SLC41A2: variants seen among roughly 807,000 people sequenced by gnomAD.
The protein encoded by SLC41A2 is solute carrier family 41 member 2.
Under a neutral mutation model 58.3 loss-of-function variants are expected in SLC41A2, and 32 were observed. The ratio of observed to expected loss-of-function variants is 0.55; its 90% CI spans 0.41 to 0.74. The LOEUF (loss-of-function observed/expected upper bound fraction) is 0.74, where lower values mean the gene tolerates loss of function less well. Ranked by LOEUF, SLC41A2 falls within the 30% of genes least tolerant of loss-of-function variation. The pLI is 0.00. For synonymous variants in SLC41A2, 190 were observed against 235.0 expected, an observed-to-expected ratio of 0.81 and a Z score of 1.75; for missense variants, 514 against 680.6, an observed-to-expected ratio of 0.76 and a Z score of 2.72.
intron 10 of SLC41A2, among the ~76,000 whole-genome samples, chr12:104,818,801 CA>C (rs1229617223): frequency 1.3e-5 from 2 of 152,216 alleles, no homozygotes; most frequent in East Asian, 3.9e-4. Flanking sequence ...TGTTTGAACC[CA>C]GGGGGCAGAG....
At chr12:104,919,261 G>A (rs1020886575) in intron 2 of SLC41A2, among the ~76,000 whole-genome samples, 8 of 152,132 alleles carry the variant, frequency 5.3e-5, no homozygotes, top group South Asian at 2.1e-4. Context: ...AGGACACTTC[G>A]GTTGTATCCA....
chr12:104,858,657 G>T (rs756336936), intron 8 of SLC41A2, among the ~76,000 whole-genome samples: 1 of 152,114 alleles, frequency 6.6e-6, no homozygotes, highest in Non-Finnish European at 1.5e-5. Context: ...TAAGCTCATA[G>T]TGTACCACCA....
At chr12:104,812,169 C>T (rs1386445366) in intron 10 of SLC41A2, among the ~76,000 whole-genome samples, 1 of 152,152 alleles carries the variant, frequency 6.6e-6, no homozygotes, top group Non-Finnish European at 1.5e-5. Context: ...ATTTGGAGGC[C>T]CCCAGTTAAA....
chr12:104,949,581 A>G (rs1052019620), intron 1 of SLC41A2, among the ~76,000 whole-genome samples: 3 of 151,680 alleles, frequency 2.0e-5, no homozygotes, highest in Admixed American at 6.6e-5. Flanking sequence ...AATGATGGTG[A>G]GCTAAACTTT....
At chr12:104,897,690 A>G (rs1358232958) in intron 3 of SLC41A2, among the ~76,000 whole-genome samples, 2 of 152,214 alleles carry the variant, frequency 1.3e-5, no homozygotes, top group African/African-American at 4.8e-5. Flanking sequence ...TTATAAAGCA[A>G]AGATTTTCAG....
chr12:104,913,644 C>T (rs1295271655), intron 2 of SLC41A2, among the ~76,000 whole-genome samples: 2 of 152,176 alleles, frequency 1.3e-5, no homozygotes, highest in East Asian at 3.8e-4. Flanking sequence ...CCTTTTTCCC[C>T]TCCTTTGAAG....
At chr12:104,865,195 T>C (rs2043380193) in intron 7 of SLC41A2, among the ~76,000 whole-genome samples, 1 of 152,230 alleles carries the variant, frequency 6.6e-6, no homozygotes, top group African/African-American at 2.4e-5. Context: ...TAAAAGGCTG[T>C]CTCTCAGCAT....
intron 2 of SLC41A2, among the ~76,000 whole-genome samples, chr12:104,915,706 C>T (rs953436135): frequency 1.3e-5 from 2 of 152,176 alleles, no homozygotes; most frequent in African/African-American, 4.8e-5. Flanking sequence ...ACAATCATGT[C>T]ATCTGCAAAC....
intron 1 of SLC41A2, among the ~76,000 whole-genome samples, chr12:104,954,244 CT>C (rs1178319707): frequency 6.6e-6 from 1 of 152,186 alleles, no homozygotes; most frequent in Non-Finnish European, 1.5e-5. Flanking sequence ...AGAAAGCAAT[CT>C]GATTAAATCC....
chr12:104,863,005 T>C (rs891326510), intron 7 of SLC41A2, among the ~76,000 whole-genome samples: 1 of 152,232 alleles, frequency 6.6e-6, no homozygotes, highest in African/African-American at 2.4e-5. Context: ...CTAACCAAAA[T>C]TTTTAATCCA....
At chr12:104,910,375 G>A (rs192144414) in intron 2 of SLC41A2, among the ~76,000 whole-genome samples, 1 of 152,090 alleles carries the variant, frequency 6.6e-6, no homozygotes, top group East Asian at 1.9e-4. Context: ...TCTAGCCATG[G>A]ATCTGTCATA....
At chr12:104,944,882 A>AG (rs1443741236) in intron 1 of SLC41A2, among the ~76,000 whole-genome samples, 1 of 152,008 alleles carries the variant, frequency 6.6e-6, no homozygotes, top group Non-Finnish European at 1.5e-5. Flanking sequence ...AAAAAAAAAA[A>AG]AAAGGTCAGG....
intron 4 of SLC41A2, among the ~76,000 whole-genome samples, chr12:104,893,349 C>G (rs935430982): frequency 4.6e-5 from 7 of 152,062 alleles, no homozygotes; most frequent in African/African-American, 1.7e-4. Flanking sequence ...AAAGGACAGG[C>G]AATAACAAAT....
chr12:104,862,631 C>G (rs1172488246), intron 7 of SLC41A2, among the ~76,000 whole-genome samples: 1 of 152,118 alleles, frequency 6.6e-6, no homozygotes, highest in Non-Finnish European at 1.5e-5. Context: ...ATATAGGCTT[C>G]TAGACTTTTT....
chr12:104,859,824 C>T (rs1007807963), intron 8 of SLC41A2, among the ~76,000 whole-genome samples: 2 of 151,996 alleles, frequency 1.3e-5, no homozygotes, highest in African/African-American at 4.8e-5. Context: ...CCTCTGCCTC[C>T]CTCCCAGGCT....
At chr12:104,956,464 A>C (rs2048171690) in intron 1 of SLC41A2, among the ~76,000 whole-genome samples, 1 of 152,200 alleles carries the variant, frequency 6.6e-6, no homozygotes, top group Non-Finnish European at 1.5e-5. Context: ...AGATCACTTG[A>C]ATTCAGGAGT....
intron 10 of SLC41A2, among the ~76,000 whole-genome samples, chr12:104,841,148 C>T (rs78857970): frequency 0.013 from 1,925 of 152,170 alleles, 52 homozygotes; most frequent in African/African-American, 0.044. Context: ...CTTCCACTTC[C>T]CCAGAAATCA....
intron 8 of SLC41A2, among the ~76,000 whole-genome samples, chr12:104,852,365 C>T (rs937733588): frequency 6.6e-6 from 1 of 152,090 alleles, no homozygotes; most frequent in African/African-American, 2.4e-5. Flanking sequence ...AATGCAAACA[C>T]AGAAAGCATC....
At chr12:104,812,113 G>A (rs1040694206) in intron 10 of SLC41A2, among the ~76,000 whole-genome samples, 2 of 152,238 alleles carry the variant, frequency 1.3e-5, no homozygotes, top group Non-Finnish European at 2.9e-5. Context: ...TCTGAGAACA[G>A]TGGCAGGCAG....
Sources: allele counts gnomAD v4.1 joint callset (sites outside exome capture counted in the v4.1 genomes callset), GRCh38; gene constraint gnomAD v4.1.1; transcripts MANE v1.5; gene names NCBI Gene and HGNC (gene_info 2026-07-23, HGNC 2026-07-21).